Variants in COL13A1 observed in about 807,000 individuals in gnomAD.
The protein encoded by COL13A1 is collagen type XIII alpha 1 chain.
Under a neutral mutation model 130.9 loss-of-function variants are expected in COL13A1, and 89 were observed. That is an observed-to-expected ratio of 0.68 (90% confidence interval 0.57 to 0.81). The LOEUF (loss-of-function observed/expected upper bound fraction) is 0.81. COL13A1 is among the 30% of genes least tolerant of loss of function. COL13A1 has a pLI of 0.00. For synonymous variants in COL13A1, 402 were observed against 341.6 expected (o/e 1.18, Z -1.95); for missense variants, 879 against 934.6 (o/e 0.94, Z 0.78).
chr10:69,917,413 ACACTCTG>A, intron 18 of COL13A1, 80 bp downstream of exon 18: 2 of 1,308,088 alleles, frequency 1.5e-6, no homozygotes, highest in Non-Finnish European at 2.1e-6. Flanking sequence ...AGCTCTGGGG[ACACTCTG>A]GAGTCCCAGC....
At chr10:69,863,555 A>G (rs1858841162) in intron 2 of COL13A1, among the ~76,000 whole-genome samples, 1 of 151,888 alleles carries the variant, frequency 6.6e-6, no homozygotes, top group Non-Finnish European at 1.5e-5. Context: ...GCACCCTGCC[A>G]CTCTTGATGC....
chr10:69,925,230 C>T (rs1268610785), intron 25 of COL13A1, among the ~76,000 whole-genome samples: 1 of 152,192 alleles, frequency 6.6e-6, no homozygotes, highest in Admixed American at 6.5e-5. Flanking sequence ...TGGTAATCCA[C>T]ACACTGCAAG....
intron 2 of COL13A1, among the ~76,000 whole-genome samples, chr10:69,830,800 C>T (rs900151491): frequency 6.6e-6 from 1 of 152,204 alleles, no homozygotes; most frequent in Admixed American, 6.5e-5. Context: ...GGCTTTCTTA[C>T]ATTCACAGAG....
chr10:69,949,956 T>TGTGTGTGTGCATGTGTG (rs2069182221), intron 38 of COL13A1, among the ~76,000 whole-genome samples: 1 of 139,936 alleles, frequency 7.1e-6, no homozygotes, highest in Non-Finnish European at 1.6e-5. Flanking sequence ...GTGCGTGTGT[T>TGTGTGTGTGCATGTGTG]TGTGTGTGCG....
rs76301454 is a variant in COL13A1, at chr10:69,806,233, C to T, written c.294+3516C>T. Reference sequence around the variant, plus strand: ...CTTCCTGAAGAATGGGAGAAGGACACTGGGGAGGGCAAGCCTGGTGAGGCA... The same window carrying T: ...CTTCCTGAAGAATGGGAGAAGGACATTGGGGAGGGCAAGCCTGGTGAGGCA... On this transcript the variant is annotated intron_variant, in intron 1 of 40. Coordinates refer to ENST00000645393, the MANE Select transcript of COL13A1 (RefSeq NM_001368882.1). Among the ~76,000 whole-genome samples the T allele has an allele frequency of 6.1e-3, 933 of 152,350 alleles. 9 individuals are homozygous for T. Among genetic ancestry groups the T allele is most frequent in the African/African-American group, 0.021 (894 of 41,592 alleles).
At chr10:69,841,218 C>T (rs901702614) in intron 2 of COL13A1, among the ~76,000 whole-genome samples, 1 of 152,132 alleles carries the variant, frequency 6.6e-6, no homozygotes, top group African/African-American at 2.4e-5. Flanking sequence ...CTTACCCTTC[C>T]GATTTGGCCT....
rs1230051691 is a variant in COL13A1, at chr10:69,810,376, G to GAGAGAGAGAGAGAGAGAGACACAGAGAC, written c.294+7664_294+7665insGAGAGAGAGAGAGACACAGAGACAGAGA. Among the ~76,000 whole-genome samples, 1,004 of 133,590 alleles carry GAGAGAGAGAGAGAGAGAGACACAGAGAC rather than the reference G, an allele frequency of 7.5e-3. 38 individuals are homozygous for GAGAGAGAGAGAGAGAGAGACACAGAGAC. Among genetic ancestry groups the GAGAGAGAGAGAGAGAGAGACACAGAGAC allele is most frequent in the Non-Finnish European group, 8.7e-3 (542 of 62,102 alleles). 87.6% of individuals were successfully genotyped at this position (133,590 alleles called of 152,430 possible). Reference sequence around the variant, plus strand: ...AGAGAGAGAGAGAGAGAGAGAGAGAGAGAGACAGAGAGTCTGTGTGGCCCA... The same window carrying GAGAGAGAGAGAGAGAGAGACACAGAGAC: ...AGAGAGAGAGAGAGAGAGAGAGAGAGAGAGAGAGAGAGAGAGAGACACAGAGACAGAGACAGAGAGTCTGTGTGGCCCA... On this transcript the variant is annotated intron_variant, in intron 1 of 40. Transcript: ENST00000645393.
chr10:69,923,848 G>T lies in COL13A1; in HGVS notation c.1277G>T (p.Gly426Val). 2 of 1,611,974 alleles carry T rather than the reference G, an allele frequency of 1.2e-6. No homozygotes were observed. The highest frequency in any genetic ancestry group is 1.7e-6 in the Non-Finnish European group (2 of 1,179,272). The change falls in exon 24 of 41, where the codon GGA (glycine) becomes GTA (valine). Residue 426 changes from glycine to valine, a missense_variant. Physicochemically the swap from Gly to Val is moderately radical, Grantham distance 109. Around this residue, in one of 3 missense-constraint regions of COL13A1, gnomAD observed 715 missense variants for 721.0 expected, o/e 0.99. Coordinates refer to ENST00000645393, the MANE Select transcript of COL13A1 (RefSeq NM_001368882.1). ...DGQVGPPGQP[G>V]DKGERGAAGE... ...CAGGTTGGCCCCCCAGGGCAGCCAG[G>T]AGACAAGGTACAGAGACCCCCACAT... is the stretch of plus-strand genomic sequence containing the variant.
At chr10:69,875,245 G>T in intron 5 of COL13A1, 82 bp downstream of exon 5, 1 of 1,561,300 alleles carries the variant, frequency 6.4e-7, no homozygotes, top group South Asian at 1.1e-5. Flanking sequence ...ATGGCAATGT[G>T]CTGTCTATCC....
intron 39 of COL13A1, chr10:69,955,162 A>C (rs1186532856): frequency 6.6e-6 from 1 of 152,244 alleles, no homozygotes; most frequent in East Asian, 1.9e-4. Context: ...ACAAGAAATT[A>C]TGCTGTGTGA....
intron 31 of COL13A1, 150 bp downstream of exon 31, chr10:69,932,754 C>T: frequency 1.6e-6 from 1 of 615,740 alleles, no homozygotes; most frequent in African/African-American, 1.8e-5. Context: ...CTCTGGACTG[C>T]TCCAGTCTTC....
intron 13 of COL13A1, chr10:69,897,632 G>A: frequency 7.5e-7 from 1 of 1,340,530 alleles, no homozygotes; most frequent in Non-Finnish European, 1.0e-6. Flanking sequence ...AGTGGGAGCG[G>A]GTGGAGCTCT....
intron 13 of COL13A1, chr10:69,897,582 T>C (rs2061776796): frequency 1.4e-5 from 23 of 1,590,090 alleles, no homozygotes; most frequent in Non-Finnish European, 1.6e-5. Context: ...AGAGGCTTCC[T>C]GAACATACAG....
intron 2 of COL13A1, among the ~76,000 whole-genome samples, chr10:69,843,925 G>C (rs146344679): frequency 7.2e-5 from 11 of 152,158 alleles, no homozygotes; most frequent in African/African-American, 2.7e-4. Flanking sequence ...TGGGCCAGGC[G>C]CTGTTATCAT....
intron 3 of COL13A1, among the ~76,000 whole-genome samples, chr10:69,871,974 A>G (rs1211848607): frequency 1.3e-5 from 2 of 152,238 alleles, no homozygotes; most frequent in African/African-American, 4.8e-5. Flanking sequence ...CAGAGCCAAG[A>G]GGTGAACACA....
At chr10:69,866,069 T>C (rs542159765) in intron 2 of COL13A1, among the ~76,000 whole-genome samples, 52 of 152,288 alleles carry the variant, frequency 3.4e-4, no homozygotes, top group Non-Finnish European at 3.2e-4. Flanking sequence ...GTGGCAGTGG[T>C]GGTGATGTAA....
At position 69,930,027 on chromosome 10, in the gene COL13A1, G is replaced by T. The variant is rs368600798; in HGVS notation, c.1486-16G>T. ...TTCTCTGCCCTGAGAGTCACCTTTA[G>T]TTGTTCCGGTTACAGGGGGAGATTG... On this transcript the variant is annotated splice_polypyrimidine_tract_variant and intron_variant, in intron 28 of 40. Coordinates refer to ENST00000645393, the MANE Select transcript of COL13A1 (RefSeq NM_001368882.1). The T allele has an allele frequency of 3.2e-5, 51 of 1,613,606 alleles. No homozygotes were observed. The highest frequency in any genetic ancestry group is 4.1e-5 in the Non-Finnish European group (48 of 1,179,612).
chr10:69,957,415 G>A (rs1206216519), intron 40 of COL13A1, among the ~76,000 whole-genome samples: 1 of 152,150 alleles, frequency 6.6e-6, no homozygotes, highest in South Asian at 2.1e-4. Context: ...TTAGACGTAG[G>A]ACATCTCAGT....
chr10:69,812,736 A>G (rs1843383339), intron 1 of COL13A1, among the ~76,000 whole-genome samples: 1 of 152,242 alleles, frequency 6.6e-6, no homozygotes, highest in Admixed American at 6.5e-5. Context: ...TTGCCATTGA[A>G]AGTAATGGCA....
Sources: allele counts gnomAD v4.1 joint callset (sites outside exome capture counted in the v4.1 genomes callset), GRCh38; gene constraint gnomAD v4.1.1; regional missense constraint gnomAD v4.1.1; transcripts MANE v1.5; gene names NCBI Gene and HGNC (gene_info 2026-07-23, HGNC 2026-07-21).